The following SLC22A9 variants were observed in gnomAD, a reference collection of about 807,000 sequenced individuals.
SLC22A9 encodes organic anion transporter 7.
Under a neutral mutation model 50.1 loss-of-function variants are expected in SLC22A9, and 64 were observed. The ratio of observed to expected loss-of-function variants is 1.28; its 90% CI spans 1.04 to 1.57. The LOEUF (loss-of-function observed/expected upper bound fraction) is 1.57, where lower values mean the gene tolerates loss of function less well. Among genes scored for constraint, SLC22A9 ranks in the 40% most tolerant of loss-of-function variants. The pLI is 0.00. For missense variants in SLC22A9, 757 were observed against 676.1 expected (o/e 1.12, Z -1.33); for synonymous variants, 261 against 242.5 (o/e 1.08, Z -0.71).
chr11:63,383,246 A>G (rs2014598234), intron 6 of SLC22A9, among the ~76,000 whole-genome samples: 1 of 152,170 alleles, frequency 6.6e-6, no homozygotes, highest in Non-Finnish European at 1.5e-5. Context: ...GAGATGCCCA[A>G]GAAATGTGTT....
intron 6 of SLC22A9, among the ~76,000 whole-genome samples, chr11:63,393,090 T>C (rs746723998): frequency 6.6e-6 from 1 of 152,228 alleles, no homozygotes; most frequent in Non-Finnish European, 1.5e-5. Flanking sequence ...TATGGTCATT[T>C]TCACAATACT....
intron 6 of SLC22A9, among the ~76,000 whole-genome samples, chr11:63,397,314 C>T (rs2014876704): frequency 6.6e-6 from 1 of 152,154 alleles, no homozygotes; most frequent in South Asian, 2.1e-4. Flanking sequence ...ACTGGAACTG[C>T]ACTGTATCAG....
At chr11:63,390,259 G>A (rs1193389015) in intron 6 of SLC22A9, among the ~76,000 whole-genome samples, 1 of 152,164 alleles carries the variant, frequency 6.6e-6, no homozygotes, top group Non-Finnish European at 1.5e-5. Context: ...CCATGCCTAT[G>A]TCCTCAATGG....
In SLC22A9 at chr11:63,408,746, C is replaced by T. The variant is rs374822558; in HGVS notation, c.1468C>T (p.Leu490=). ...AGALAPLMMI[L]SVYSPPLPWI... ...AGCCCTGGCTCCCCTCATGATGATC[C>T]TAAGTGTGTATTCTCCACCCCTGCC... Residue 490 remains leucine (L), a synonymous_variant, in exon 9 of 10, where the codon CTA becomes TTA. Transcript: ENST00000279178. 6.3e-5 allele frequency: 101 copies of T among 1,613,878 alleles called. No homozygotes were observed. The South Asian group carries it at 8.3e-4, about 13-fold the overall frequency.
At position 63,384,305 on chromosome 11, in the gene SLC22A9, C is replaced by T. The variant is rs566578756; in HGVS notation, c.1073+2028C>T. Among the ~76,000 whole-genome samples, 32 of 152,250 alleles carry T rather than the reference C, an allele frequency of 2.1e-4. No homozygotes were observed. The South Asian group carries it at 6.4e-3, about 31-fold the overall frequency. On this transcript the variant is annotated intron_variant, in intron 6 of 9. Transcript: ENST00000279178. The stretch of plus-strand genomic sequence containing the variant: ...TGTTCTCTCTTCCTGCACCCAACCC[C>T]CAACAGGTCCCAGTGTGTGTTGTTT...
chr11:63,396,588 C>T (rs1236037614), intron 6 of SLC22A9, among the ~76,000 whole-genome samples: 1 of 152,174 alleles, frequency 6.6e-6, no homozygotes, highest in Non-Finnish European at 1.5e-5. Context: ...TCCAAAGGGT[C>T]TGTGGGTCCT....
At chr11:63,385,292 A>C (rs1449311503) in intron 6 of SLC22A9, among the ~76,000 whole-genome samples, 1 of 151,658 alleles carries the variant, frequency 6.6e-6, no homozygotes, top group Non-Finnish European at 1.5e-5. Flanking sequence ...TTTTCATTCC[A>C]TATAAATTTT....
chr11:63,398,792 C>T (rs747982018), intron 6 of SLC22A9, among the ~76,000 whole-genome samples: 2 of 152,210 alleles, frequency 1.3e-5, no homozygotes, highest in Non-Finnish European at 2.9e-5. Context: ...GTACTGTGAT[C>T]TCCCACTTTA....
chr11:63,377,601 T>A (rs886290664), intron 5 of SLC22A9, among the ~76,000 whole-genome samples: 4 of 151,948 alleles, frequency 2.6e-5, no homozygotes, highest in African/African-American at 4.8e-5. Flanking sequence ...CATCACAAAG[T>A]TTGAGAGATC....
intron 5 of SLC22A9, among the ~76,000 whole-genome samples, chr11:63,381,250 C>A (rs1357637133): frequency 1.3e-5 from 2 of 152,126 alleles, no homozygotes; most frequent in Admixed American, 6.5e-5. Context: ...TACATCTCCT[C>A]TGCCCAGATC....
intron 6 of SLC22A9, among the ~76,000 whole-genome samples, chr11:63,386,051 A>G (rs1039219687): frequency 1.3e-5 from 2 of 152,136 alleles, no homozygotes; most frequent in Non-Finnish European, 2.9e-5. Flanking sequence ...TGAGATAATC[A>G]TGTGGTTTTT....
At chr11:63,408,616 TCACAAATTG>T (rs2015081122) in intron 8 of SLC22A9, 51 bp from the exon 9 acceptor site, 1 of 1,480,270 alleles carries the variant, frequency 6.8e-7, no homozygotes, top group Non-Finnish European at 9.4e-7. Context: ...AAATGATAAA[TCACAAATTG>T]CCTGTGTGGA....
chr11:63,370,396 G>T lies in SLC22A9; in HGVS notation c.340G>T (p.Glu114Ter), dbSNP rs368847154. ...TFPNTSDADM[E>*]PCVDGWVYDR... is the part of the protein sequence containing the mutation. ...CCCCAACACAAGTGACGCAGACATG[G>T]AGCCCTGTGTGGATGGCTGGGTGTA... Residue 114 changes from glutamate to a stop codon, truncating the protein, a stop_gained, in exon 1 of 10, where the codon GAG (glutamate) becomes TAG (stop). Coordinates refer to ENST00000279178, the MANE Select transcript of SLC22A9 (RefSeq NM_080866.3). LOFTEE classifies it high-confidence loss of function. 1 of 1,613,184 alleles carries T rather than the reference G, an allele frequency of 6.2e-7. No homozygotes were observed. Among genetic ancestry groups the T allele is most frequent in the Non-Finnish European group, 8.5e-7 (1 of 1,179,434 alleles).
chr11:63,408,288 CG>C, intron 8 of SLC22A9, 68 bp downstream of exon 8: 7 of 1,253,938 alleles, frequency 5.6e-6, no homozygotes, highest in Non-Finnish European at 8.1e-6. Flanking sequence ...ACACTTTTTG[CG>C]GGAAGAAATC....
intron 6 of SLC22A9, among the ~76,000 whole-genome samples, chr11:63,389,009 T>C (rs1346382272): frequency 6.6e-6 from 1 of 152,182 alleles, no homozygotes; most frequent in Non-Finnish European, 1.5e-5. Context: ...TTCTGTGGTA[T>C]CAGTTACAAT....
chr11:63,387,833 G>A (rs1328442547), intron 6 of SLC22A9, among the ~76,000 whole-genome samples: 1 of 151,918 alleles, frequency 6.6e-6, no homozygotes, highest in Non-Finnish European at 1.5e-5. Context: ...TTACATTAAT[G>A]TTTTAAAGTT....
intron 2 of SLC22A9, among the ~76,000 whole-genome samples, chr11:63,371,999 A>T (rs188643510): frequency 6.6e-6 from 1 of 152,306 alleles, no homozygotes; most frequent in Admixed American, 6.5e-5. Context: ...TGAATGTACG[A>T]CAGGAAATGG....
intron 6 of SLC22A9, among the ~76,000 whole-genome samples, chr11:63,395,900 G>A (rs187919460): frequency 7.9e-5 from 12 of 152,106 alleles, no homozygotes; most frequent in Non-Finnish European, 1.3e-4. Flanking sequence ...GAGGATAGGG[G>A]TGAGGTTCCC....
intron 6 of SLC22A9, among the ~76,000 whole-genome samples, chr11:63,385,116 T>TTTTG (rs2014641142): frequency 7.2e-6 from 1 of 139,826 alleles, no homozygotes; most frequent in South Asian, 2.2e-4. Context: ...GTTTTTTTTT[T>TTTTG]TTTTTTTTTT....
Sources: allele counts gnomAD v4.1 joint callset (sites outside exome capture counted in the v4.1 genomes callset), GRCh38; gene constraint gnomAD v4.1.1; transcripts MANE v1.5; gene names NCBI Gene and HGNC (gene_info 2026-07-23, HGNC 2026-07-21).